The following ZAR1L variants were observed in gnomAD, a reference collection of about 807,000 sequenced individuals.
ZAR1L encodes the protein zygote arrest 1 like, also known as protein ZAR1-like.
Under a neutral mutation model 30.0 loss-of-function variants are expected in ZAR1L, and 16 were observed. The ratio of observed to expected loss-of-function variants is 0.53; its 90% CI spans 0.36 to 0.81. The LOEUF is 0.81. ZAR1L is among the 30% of genes least tolerant of loss of function. ZAR1L has a pLI of 0.00. For synonymous variants in ZAR1L, 197 were observed against 166.8 expected (o/e 1.18, Z -1.40); for missense variants, 392 against 417.2 (o/e 0.94, Z 0.53).
intron 5 of ZAR1L, among the ~76,000 whole-genome samples, chr13:32,306,430 T>C (rs1176945698): frequency 6.6e-6 from 1 of 152,090 alleles, no homozygotes; most frequent in Non-Finnish European, 1.5e-5. Context: ...AAACTACAAC[T>C]AGGCACATCA....
At chr13:32,308,356 T>C (rs946500550) in intron 5 of ZAR1L, among the ~76,000 whole-genome samples, 8 of 152,170 alleles carry the variant, frequency 5.3e-5, no homozygotes, top group Admixed American at 2.0e-4. Context: ...CAGGAGGTAA[T>C]GCATGTAAAG....
intron 4 of ZAR1L, among the ~76,000 whole-genome samples, chr13:32,310,328 CCCA>C (rs771913355): frequency 2.6e-5 from 4 of 152,228 alleles, no homozygotes; most frequent in Non-Finnish European, 5.9e-5. Flanking sequence ...AGCGCTAAGG[CCCA>C]GACCTGTTCC....
intron 5 of ZAR1L, among the ~76,000 whole-genome samples, chr13:32,306,050 T>C (rs1186065238): frequency 1.3e-5 from 2 of 152,182 alleles, no homozygotes; most frequent in Non-Finnish European, 2.9e-5. Flanking sequence ...CAGCAAAAAA[T>C]TGAAGTTTTC....
chr13:32,303,843 G>GA lies in ZAR1L; in HGVS notation c.*35dup. 1 of 1,534,808 alleles carries GA rather than the reference G, an allele frequency of 6.5e-7. No individual in the cohort carries two copies. Among genetic ancestry groups the GA allele is most frequent in the African/African-American group, 1.4e-5 (1 of 72,484 alleles). On this transcript the variant is annotated 3_prime_UTR_variant, in exon 6 of 6. Coordinates refer to ENST00000533490, the MANE Select transcript of ZAR1L (RefSeq NM_001136571.2). ...AAGACAGCACAGTAAGTTACAAGAA[G>GA]AGCTCAGGGGTCCATTACAAGTCAC... is the stretch of plus-strand genomic sequence containing the variant.
chr13:32,305,388 G>A (rs772468437), intron 5 of ZAR1L, among the ~76,000 whole-genome samples: 26 of 151,194 alleles, frequency 1.7e-4, no homozygotes, highest in East Asian at 9.9e-4. Flanking sequence ...CACTGCACCC[G>A]GCTAATTTTT....
chr13:32,310,577 C>T, intron 4 of ZAR1L, 62 bp downstream of exon 4: 2 of 1,142,752 alleles, frequency 1.8e-6, no homozygotes, highest in Non-Finnish European at 2.6e-6. Flanking sequence ...GAATCAGATT[C>T]TTCCCCGCTT....
rs2072214791 is a variant in ZAR1L at position 32,311,668 on chromosome 13, G to A, written c.258C>T (p.Pro86=). ...NPSLSPRLCK[P]NTKEVGVQVS... ...CCTGCACGCCCACCTCCTTGGTGTT[G>A]GGCTTGCACAGCCGCGGGCTCAGGC... Residue 86 remains proline (P), a synonymous_variant, in exon 3 of 6, where the codon CCC becomes CCT. Coordinates refer to ENST00000533490, the MANE Select transcript of ZAR1L (RefSeq NM_001136571.2). 6.4e-7 allele frequency: 1 copy of A among 1,551,540 alleles called. No homozygotes were observed. The highest frequency in any genetic ancestry group is 1.2e-5 in the South Asian group (1 of 84,068).
In ZAR1L at chr13:32,303,800, G is replaced by C; in HGVS notation, c.*79C>G. 2 of 1,443,322 alleles carry C rather than the reference G, an allele frequency of 1.4e-6. No individual in the cohort carries two copies. The highest frequency in any genetic ancestry group is 1.9e-6 in the Non-Finnish European group (2 of 1,078,534). 89.4% of individuals were successfully genotyped at this position (1,443,322 alleles called of 1,614,324 possible). ...AGCCATTTTCCGATGCCAGGTCAGAGCCAAGTTGCAAAAAAGGAAGACAGC... is the reference window on the plus strand; with the variant it reads ...AGCCATTTTCCGATGCCAGGTCAGACCCAAGTTGCAAAAAAGGAAGACAGC... On this transcript the variant is annotated 3_prime_UTR_variant, in exon 6 of 6. Transcript: ENST00000533490.
At chr13:32,305,382 G>A (rs935721986) in intron 5 of ZAR1L, among the ~76,000 whole-genome samples, 67 of 151,460 alleles carry the variant, frequency 4.4e-4, no homozygotes, top group Non-Finnish European at 6.5e-4. Flanking sequence ...GCCTGCCACT[G>A]CACCCGGCTA....
At chr13:32,308,243 A>C (rs973549329) in intron 5 of ZAR1L, among the ~76,000 whole-genome samples, 2 of 152,240 alleles carry the variant, frequency 1.3e-5, no homozygotes, top group East Asian at 3.8e-4. Context: ...CATAGAATCC[A>C]GTCAGAGCTC....
chr13:32,307,128 A>T (rs1261650346), intron 5 of ZAR1L, among the ~76,000 whole-genome samples: 1 of 152,098 alleles, frequency 6.6e-6, no homozygotes, highest in African/African-American at 2.4e-5. Context: ...AAAATTTTAA[A>T]TATAGGTAAA....
At position 32,311,910 on chromosome 13, in the gene ZAR1L, G is replaced by C; in HGVS notation, c.16C>G (p.Arg6Gly). 3 of 1,549,288 alleles carry C rather than the reference G, an allele frequency of 1.9e-6. No homozygotes were observed. The highest frequency in any genetic ancestry group is 2.6e-6 in the Non-Finnish European group (3 of 1,145,532). Residue 6 changes from arginine to glycine, a missense_variant, in exon 3 of 6, where the codon CGT becomes GGT. Transcript: ENST00000533490. ...CCCTGGTACAAGCCATAGGGAACAC[G>C]GACAAAGCGCTCCATCCGCTCTCAG... MERFVRVPYGLYQGYG... is the reference protein window; with the variant it reads MERFVGVPYGLYQGYG...
chr13:32,305,569 T>C (rs76682711), intron 5 of ZAR1L, among the ~76,000 whole-genome samples: 1,704 of 152,366 alleles, frequency 0.011, 12 homozygotes, highest in Non-Finnish European at 0.016. Flanking sequence ...TGGTGTTTAC[T>C]ATGTGCCTAG....
At chr13:32,312,749 G>T (rs999137266) in intron 2 of ZAR1L, among the ~76,000 whole-genome samples, 1 of 152,048 alleles carries the variant, frequency 6.6e-6, no homozygotes, top group African/African-American at 2.4e-5. Flanking sequence ...ATGGTGGCAC[G>T]CTCCTGTAAT....
At chr13:32,312,354 T>C (rs1314700404) in intron 2 of ZAR1L, among the ~76,000 whole-genome samples, 2 of 152,204 alleles carry the variant, frequency 1.3e-5, no homozygotes, top group African/African-American at 4.8e-5. Context: ...AGTATGAAGG[T>C]TCCTTAAAAA....
intron 1 of ZAR1L, among the ~76,000 whole-genome samples, 193 bp from the exon 2 acceptor site, chr13:32,314,743 T>G (rs1472629483): frequency 6.6e-6 from 1 of 152,100 alleles, no homozygotes. Context: ...TCCCAGCTAC[T>G]CGGGAGGCTG....
At position 32,311,430 on chromosome 13, in the gene ZAR1L, G is replaced by T; in HGVS notation, c.496C>A (p.Pro166Thr). The change falls in exon 3 of 6, where the codon CCG becomes ACG. Residue 166 changes from proline (P) to threonine (T), a missense_variant. Transcript: ENST00000533490. ...CCTGACCTCCGTGATGGTGGCTGCG[G>T]CTGGCTGGCCTCCGCAGGGCCCGGG... ...ALPGPAEASQ[P>T]QPPSRRSGAD... The T allele has an allele frequency of 1.9e-6, 3 of 1,549,024 alleles. No individual in the cohort carries two copies. Among genetic ancestry groups the T allele is most frequent in the Non-Finnish European group, 2.6e-6 (3 of 1,146,900 alleles).
At chr13:32,304,282 T>G (rs2072158690) in intron 5 of ZAR1L, among the ~76,000 whole-genome samples, 3 of 152,182 alleles carry the variant, frequency 2.0e-5, no homozygotes, top group Non-Finnish European at 1.5e-5. Context: ...TAAAAGGAAT[T>G]TAAGAGTTTT....
At chr13:32,304,535 A>T (rs540658283) in intron 5 of ZAR1L, among the ~76,000 whole-genome samples, 5 of 152,362 alleles carry the variant, frequency 3.3e-5, no homozygotes, top group African/African-American at 9.6e-5. Flanking sequence ...CCCAGTGGAC[A>T]TCTGGCAATG....
Sources: gnomAD v4.1 joint callset for allele counts (sites outside exome capture counted in the v4.1 genomes callset) on GRCh38, gnomAD v4.1.1 for gene constraint, MANE v1.5 for transcripts, NCBI Gene and HGNC (gene_info 2026-07-23, HGNC 2026-07-21) for gene names.